HSPA12A: variants seen among roughly 807,000 people sequenced by gnomAD.
HSPA12A encodes the protein heat shock 70 kDa protein 12A.
HSPA12A carries 28 observed loss-of-function variants against 69.2 expected under a neutral mutation model. That is an observed-to-expected ratio of 0.40 (90% confidence interval 0.30 to 0.55). The LOEUF (loss-of-function observed/expected upper bound fraction) is 0.55. Among genes scored for constraint, HSPA12A ranks in the 20% least tolerant of loss-of-function variants. The pLI, the probability that HSPA12A is intolerant of heterozygous loss-of-function variation, is 0.38. For synonymous variants in HSPA12A, 345 were observed against 370.5 expected (o/e 0.93, Z 0.79); for missense variants, 686 against 900.7 (o/e 0.76, Z 3.05).
At chr10:116,784,499 A>T (rs113686725) in intron 2 of HSPA12A, among the ~76,000 whole-genome samples, 1 of 152,368 alleles carries the variant, frequency 6.6e-6, no homozygotes, top group African/African-American at 2.4e-5. Flanking sequence ...TAAGCCTAGC[A>T]CTTAGAGTGG....
intron 2 of HSPA12A, among the ~76,000 whole-genome samples, chr10:116,756,395 G>A (rs1430335925): frequency 6.6e-6 from 1 of 152,244 alleles, no homozygotes; most frequent in Non-Finnish European, 1.5e-5. Context: ...TACTTGATTC[G>A]AGAAAACACA....
intron 1 of HSPA12A, among the ~76,000 whole-genome samples, chr10:116,715,455 T>C (rs1850576534): frequency 6.6e-6 from 1 of 152,208 alleles, no homozygotes; most frequent in African/African-American, 2.4e-5. Context: ...TTACATAATT[T>C]TTAAAAGAGC....
At chr10:116,841,562 A>T (rs1845800643) in intron 1 of HSPA12A, among the ~76,000 whole-genome samples, 1 of 152,214 alleles carries the variant, frequency 6.6e-6, no homozygotes. Flanking sequence ...CTAACATATT[A>T]GAGATTCATT....
intron 2 of HSPA12A, among the ~76,000 whole-genome samples, chr10:116,755,199 C>T (rs146090983): frequency 2.1e-3 from 321 of 152,256 alleles, no homozygotes; most frequent in African/African-American, 6.5e-3. Context: ...GTGATTCACT[C>T]GTCTTGGCCT....
At chr10:116,769,640 T>C (rs1554890178) in intron 2 of HSPA12A, among the ~76,000 whole-genome samples, 2 of 152,226 alleles carry the variant, frequency 1.3e-5, no homozygotes, top group Non-Finnish European at 2.9e-5. Flanking sequence ...AGTGCAGGAC[T>C]TAGAGCACTT....
intron 6 of HSPA12A, among the ~76,000 whole-genome samples, chr10:116,690,485 C>T (rs1589631484): frequency 6.6e-6 from 1 of 152,232 alleles, no homozygotes; most frequent in African/African-American, 2.4e-5. Flanking sequence ...AGTATCAAAT[C>T]AGAACTGCAA....
intron 6 of HSPA12A, among the ~76,000 whole-genome samples, chr10:116,691,559 C>T (rs1211682491): frequency 6.6e-6 from 1 of 152,206 alleles, no homozygotes; most frequent in African/African-American, 2.4e-5. Flanking sequence ...ACACAGAGAG[C>T]TGACCCAGGC....
chr10:116,816,771 C>T (rs2133191603), intron 2 of HSPA12A, among the ~76,000 whole-genome samples: 1 of 152,244 alleles, frequency 6.6e-6, no homozygotes, highest in South Asian at 2.1e-4. Context: ...GTTAAAATTG[C>T]CTGGAGCCCT....
Position 116,686,143 on chromosome 10 carries a change from A to G in HSPA12A, c.664-2181T>C, listed in dbSNP as rs1554879481. 6.6e-6 allele frequency among the ~76,000 whole-genome samples: 1 copy of G among 152,192 alleles called. No individual in the cohort carries two copies. Among genetic ancestry groups the G allele is most frequent in the Non-Finnish European group, 1.5e-5 (1 of 68,050 alleles). On this transcript the variant is annotated intron_variant, in intron 6 of 11. Transcript: ENST00000369209. This position sits in a 1 kb window ranked among gnomAD's most constrained non-coding sequence, Gnocchi z 4.1. The stretch of plus-strand genomic sequence containing the variant: ...TCCCCAGCTTCACTCTCACAGGGTC[A>G]CATTAGACATCCTTAGCACAAACAT...
At chr10:116,813,242 G>GATT (rs1338422778) in intron 2 of HSPA12A, among the ~76,000 whole-genome samples, 5 of 28,880 alleles carry the variant, frequency 1.7e-4, no homozygotes, top group South Asian at 1.9e-3. Context: ...GCCATCCAGA[G>GATT]CTCTATTTTT....
intron 1 of HSPA12A, among the ~76,000 whole-genome samples, chr10:116,711,309 A>C (rs1850419630): frequency 6.6e-6 from 1 of 152,234 alleles, no homozygotes; most frequent in Non-Finnish European, 1.5e-5. Flanking sequence ...CTAGGAACAG[A>C]AGAGAAAGGC....
intron 2 of HSPA12A, among the ~76,000 whole-genome samples, chr10:116,800,269 C>T (rs1844926268): frequency 6.6e-6 from 1 of 152,196 alleles, no homozygotes; most frequent in African/African-American, 2.4e-5. Context: ...GCCCCAGCCT[C>T]TCCCCCAACT....
At chr10:116,759,831 C>T (rs1843931743) in intron 2 of HSPA12A, among the ~76,000 whole-genome samples, 1 of 152,036 alleles carries the variant, frequency 6.6e-6, no homozygotes, top group African/African-American at 2.4e-5. Context: ...GGGTCTTTCC[C>T]ATGTTATTCT....
At chr10:116,814,435 C>A (rs542971690) in intron 2 of HSPA12A, among the ~76,000 whole-genome samples, 47 of 152,328 alleles carry the variant, frequency 3.1e-4, no homozygotes, top group Non-Finnish European at 5.4e-4. Flanking sequence ...CATATCTCAG[C>A]AAGTGAAAAG....
chr10:116,771,329 G>A (rs1844202882), intron 2 of HSPA12A, among the ~76,000 whole-genome samples: 1 of 152,020 alleles, frequency 6.6e-6, no homozygotes, highest in Non-Finnish European at 1.5e-5. Context: ...GCCACACAGA[G>A]GGGAGGGGAG....
intron 4 of HSPA12A, 104 bp downstream of exon 4, chr10:116,700,839 G>A: frequency 9.4e-7 from 1 of 1,064,424 alleles, no homozygotes. Flanking sequence ...GAAGAGACCA[G>A]AGGGCCCCCT....
chr10:116,842,612 GT>G (rs1293532903), intron 1 of HSPA12A, among the ~76,000 whole-genome samples: 1 of 150,664 alleles, frequency 6.6e-6, no homozygotes, highest in African/African-American at 2.4e-5. Context: ...TAAAGAGTTT[GT>G]TTTTGTTTTT....
At position 116,777,164 on chromosome 10, in the gene HSPA12A, C is replaced by T. The variant is rs76199995; in HGVS notation, c.91+57771G>A. ...TTTTCTTCCCTGCCTCGTCAACACC[C>T]GGGTGTTAAGTTCTTGCCGCGTGGC... On this transcript the variant is annotated intron_variant, in intron 2 of 12. Coordinates refer to the HSPA12A transcript ENST00000635765. 7.1e-3 allele frequency among the ~76,000 whole-genome samples: 1,075 copies of T among 152,292 alleles called. 10 individuals carry two copies. The highest frequency in any genetic ancestry group is 0.023 in the African/African-American group (972 of 41,560).
At chr10:116,816,340 G>T (rs994084413) in intron 2 of HSPA12A, among the ~76,000 whole-genome samples, 2 of 152,236 alleles carry the variant, frequency 1.3e-5, no homozygotes, top group African/African-American at 4.8e-5. Flanking sequence ...CAGAGGCAGA[G>T]GACACCTGGC....
Sources: allele counts gnomAD v4.1 joint callset (sites outside exome capture counted in the v4.1 genomes callset), GRCh38; gene constraint gnomAD v4.1.1; non-coding constraint Gnocchi (gnomAD v3.1); transcripts MANE v1.5; gene names NCBI Gene and HGNC (gene_info 2026-07-23, HGNC 2026-07-21).